Variants in GYS1 observed in about 807,000 individuals in gnomAD.
GYS1 encodes the protein glycogen [starch] synthase, muscle.
Under a neutral mutation model 89.1 loss-of-function variants are expected in GYS1, and 60 were observed. That is an observed-to-expected ratio of 0.67 (90% CI 0.55 to 0.84). The LOEUF (loss-of-function observed/expected upper bound fraction) is 0.84, where lower values mean the gene tolerates loss of function less well. Ranked by LOEUF, GYS1 falls within the 40% of genes least tolerant of loss-of-function variation. The pLI, the probability that GYS1 is intolerant of heterozygous loss-of-function variation, is 0.00. For synonymous variants in GYS1, 366 were observed against 401.7 expected (o/e 0.91, Z 1.06); for missense variants, 888 against 1,003.1 (o/e 0.89, Z 1.55).
In GYS1 at chr19:48,974,617, C is replaced by T. The variant is rs1402745931; in HGVS notation, c.1422+3G>A. 1.2e-6 allele frequency: 2 copies of T among 1,608,086 alleles called. No individual in the cohort carries two copies. Among genetic ancestry groups the T allele is most frequent in the Non-Finnish European group, 1.7e-6 (2 of 1,174,572 alleles). ...CAACCCAGCCCTGACCAAATGCCCT[C>T]ACCTTCACCCTGTCGGCACTGCTAT... On this transcript the variant is annotated splice_donor_region_variant and intron_variant, in intron 11 of 15. Coordinates refer to ENST00000323798, the MANE Select transcript of GYS1 (RefSeq NM_002103.5).
At chr19:48,988,573 C>T (rs1442243633) in intron 2 of GYS1, among the ~76,000 whole-genome samples, 1 of 151,886 alleles carries the variant, frequency 6.6e-6, no homozygotes, top group Non-Finnish European at 1.5e-5. Context: ...CTTGCTTAGC[C>T]TCCCAAAGTG....
At chr19:48,976,265 C>T (rs2038648702) in intron 10 of GYS1, among the ~76,000 whole-genome samples, 1 of 152,122 alleles carries the variant, frequency 6.6e-6, no homozygotes, top group South Asian at 2.1e-4. Context: ...GTCTGGGTTT[C>T]CATTCCCCAG....
rs540051635 is a variant in GYS1 at position 48,970,497 on chromosome 19, C to T, written c.1809+49G>A. ...TGCACCCTGCACCAAAGACCCCTAG[C>T]CAGGAGCTGCTGATTTGCCAGGAGA... is the stretch of plus-strand genomic sequence containing the variant. On this transcript the variant is annotated intron_variant, in intron 14 of 15. Transcript: ENST00000323798. The T allele has an allele frequency of 2.2e-5, 33 of 1,534,574 alleles. No individual in the cohort carries two copies. In the African/African-American group the frequency reaches 3.9e-4, roughly 18 times the overall value.
chr19:48,992,136 C>T (rs1341097409), intron 1 of GYS1, among the ~76,000 whole-genome samples: 2 of 152,064 alleles, frequency 1.3e-5, no homozygotes, highest in East Asian at 1.9e-4. Flanking sequence ...CAGGCCCTGG[C>T]GATACCCGGC....
intron 8 of GYS1, 116 bp from the exon 9 acceptor site, chr19:48,978,273 T>C: frequency 1.1e-6 from 1 of 869,940 alleles, no homozygotes; most frequent in Non-Finnish European, 1.9e-6. Context: ...TTGCCCAGGC[T>C]GGAATGCAAT....
At position 48,991,528 on chromosome 19, in the gene GYS1, A is replaced by C; in HGVS notation, c.119-45T>G. 4.3e-6 allele frequency: 4 copies of C among 936,130 alleles called. No homozygotes were observed. Among genetic ancestry groups the C allele is most frequent in the African/African-American group, 1.7e-5 (1 of 59,478 alleles). 58.0% of individuals were successfully genotyped at this position (936,130 alleles called of 1,614,324 possible). ...AGGGCAGGCCCCGGCCGAGGTCCAT[A>C]GTTCTGGGGCCTGGGGTGGGGTGGG... On this transcript the variant is annotated intron_variant, in intron 1 of 15. Transcript: ENST00000323798. This position sits in a 1 kb window ranked among gnomAD's most constrained non-coding sequence, Gnocchi z 4.7.
rs117744744 is a variant in GYS1 at position 48,972,883 on chromosome 19, G to A, written c.1549+1330C>T. Among the ~76,000 whole-genome samples, 105 of 152,228 alleles carry A rather than the reference G, an allele frequency of 6.9e-4. No homozygotes were observed. In the East Asian group the frequency reaches 0.014, roughly 21 times the overall value. On this transcript the variant is annotated intron_variant, in intron 12 of 15. Coordinates refer to ENST00000323798, the MANE Select transcript of GYS1 (RefSeq NM_002103.5). Reference sequence around the variant, plus strand: ...AGGCATGGTGGGATGCACCTATAATGACAGATACTCAAGAGGCTGAGGCAG... The same window carrying A: ...AGGCATGGTGGGATGCACCTATAATAACAGATACTCAAGAGGCTGAGGCAG...
intron 2 of GYS1, among the ~76,000 whole-genome samples, chr19:48,989,676 C>T (rs988670492): frequency 1.3e-5 from 2 of 152,018 alleles, no homozygotes; most frequent in African/African-American, 4.8e-5. Flanking sequence ...CCTCTCACCT[C>T]GGCCTCCCAA....
At chr19:48,972,772 C>A (rs1471742156) in intron 12 of GYS1, among the ~76,000 whole-genome samples, 2 of 152,182 alleles carry the variant, frequency 1.3e-5, no homozygotes, top group Non-Finnish European at 2.9e-5. Flanking sequence ...AGCCACCATG[C>A]CTGGCCTGAT....
At chr19:48,970,199 A>C in intron 14 of GYS1, 1 of 461,054 alleles carries the variant, frequency 2.2e-6, no homozygotes, top group Non-Finnish European at 3.9e-6. Context: ...AACAAGGCTC[A>C]CTGCAGCCTC....
intron 14 of GYS1, chr19:48,970,163 C>T (rs954089350): frequency 8.2e-6 from 4 of 487,660 alleles, no homozygotes; most frequent in East Asian, 3.9e-5. Flanking sequence ...TGTTCTGTTA[C>T]TCTAGGATGG....
intron 12 of GYS1, among the ~76,000 whole-genome samples, chr19:48,971,848 G>A (rs1184304144): frequency 1.3e-5 from 2 of 149,382 alleles, no homozygotes; most frequent in African/African-American, 4.9e-5. Context: ...GAGCCACTGC[G>A]CCTGGCCCAA....
chr19:48,980,281 C>G (rs912178583), intron 8 of GYS1, among the ~76,000 whole-genome samples: 21 of 152,298 alleles, frequency 1.4e-4, no homozygotes, highest in Admixed American at 1.3e-3. Context: ...TCCTGACAAC[C>G]CCGTCTCATA....
Position 48,993,236 on chromosome 19 carries a change from C to T in GYS1, c.-124G>A. ...CCCGACGGGAAGCTTGCAAGACGCT[C>T]GGCTTCCTATTGCAAGACCGCACCC... On this transcript the variant is annotated 5_prime_UTR_variant, in exon 1 of 16. Coordinates refer to ENST00000323798, the MANE Select transcript of GYS1 (RefSeq NM_002103.5). 2 of 760,610 alleles carry T rather than the reference C, an allele frequency of 2.6e-6. No individual in the cohort carries two copies. The highest frequency in any genetic ancestry group is 4.8e-6 in the Non-Finnish European group (2 of 416,232). The allele number at this position is 760,610 out of a possible 1,614,324, so 47.1% of individuals were successfully genotyped here.
At chr19:48,982,134 C>T in intron 7 of GYS1, 121 bp downstream of exon 7, 2 of 1,007,134 alleles carry the variant, frequency 2.0e-6, no homozygotes, top group Non-Finnish European at 3.1e-6. Flanking sequence ...CTCAAGTGAT[C>T]CTCCCGCCTT....
chr19:48,991,382 T>C lies in GYS1; in HGVS notation c.220A>G (p.Arg74Gly). 6.2e-7 allele frequency: 1 copy of C among 1,614,122 alleles called. No homozygotes were observed. The highest frequency in any genetic ancestry group is 8.5e-7 in the Non-Finnish European group (1 of 1,180,026). The change falls in exon 2 of 16, where the codon AGG becomes GGG. Residue 74 changes from arginine (R) to glycine (G), a missense_variant. Coordinates refer to ENST00000323798, the MANE Select transcript of GYS1 (RefSeq NM_002103.5). The surrounding 1 kb of genome is among the most constrained non-coding windows in gnomAD (Gnocchi z 4.7). ...LVGPYTEQGV[R>G]TQVELLEAPT... ...GCCTCCAGCAGTTCCACCTGGGTCC[T>C]CACGCCCTGCTCCGTGTACGGCCCC...
At chr19:48,974,818 A>T in intron 10 of GYS1, 85 bp from the exon 11 acceptor site, 1 of 922,344 alleles carries the variant, frequency 1.1e-6, no homozygotes, top group Admixed American at 1.9e-5. Context: ...ACCCTGGGGG[A>T]GCCAAGGAGA....
chr19:48,973,573 G>A (rs1370876950), intron 12 of GYS1, among the ~76,000 whole-genome samples: 4 of 146,638 alleles, frequency 2.7e-5, no homozygotes, highest in Non-Finnish European at 5.9e-5. Flanking sequence ...CTGCCGGAGT[G>A]CAGTGGCATG....
rs189580444 is a variant in GYS1 at position 48,986,183 on chromosome 19, G to A, written c.493-148C>T. The A allele has an allele frequency of 1.2e-5, 9 of 743,170 alleles. No individual in the cohort carries two copies. The East Asian group carries it at 1.6e-4, about 13-fold the overall frequency. 46.0% of individuals were successfully genotyped at this position (743,170 alleles called of 1,614,324 possible). On this transcript the variant is annotated intron_variant, in intron 3 of 15. Coordinates refer to ENST00000323798, the MANE Select transcript of GYS1 (RefSeq NM_002103.5). ...GCGGCCCACTGCAGCAATCCCAACC[G>A]GACAGGGACCTGTAAATCCCTGAGG... is the stretch of plus-strand genomic sequence containing the variant.
Sources: gnomAD v4.1 joint callset for allele counts (sites outside exome capture counted in the v4.1 genomes callset) on GRCh38, gnomAD v4.1.1 for gene constraint, Gnocchi (gnomAD v3.1) non-coding constraint, MANE v1.5 for transcripts, NCBI Gene and HGNC (gene_info 2026-07-23, HGNC 2026-07-21) for gene names.